Variants in ERBIN observed in about 807,000 individuals in gnomAD.
ERBIN encodes the protein densin-180-like protein.
In ERBIN, 60 loss-of-function variants were observed where a neutral mutation model predicts 158.4. That is an observed-to-expected ratio of 0.38 (90% CI 0.31 to 0.47). The LOEUF (loss-of-function observed/expected upper bound fraction) is 0.47. ERBIN is among the 20% of genes least tolerant of loss of function. The pLI is 0.99. For missense variants in ERBIN, 1,610 were observed against 1,648.0 expected (o/e 0.98, Z 0.40); for synonymous variants, 594 against 557.2 (o/e 1.07, Z -0.93).
At chr5:66,011,682 CT>C (rs1341241436) in intron 4 of ERBIN, among the ~76,000 whole-genome samples, 1 of 152,038 alleles carries the variant, frequency 6.6e-6, no homozygotes, top group African/African-American at 2.4e-5. Context: ...TCAAGACTCC[CT>C]CTTAAAAACA....
At chr5:66,049,023 T>C (rs7736648) in intron 19 of ERBIN, among the ~76,000 whole-genome samples, 8,783 of 152,080 alleles carry the variant, frequency 0.058, 884 homozygotes, top group African/African-American at 0.2. Context: ...ACAGATAAAC[T>C]TGGATTGTTC....
intron 1 of ERBIN, among the ~76,000 whole-genome samples, chr5:65,975,628 G>GT (rs1221346592): frequency 6.6e-6 from 1 of 152,176 alleles, no homozygotes; most frequent in Non-Finnish European, 1.5e-5. Context: ...GAATTTAGAT[G>GT]TTTTAAGAAC....
At position 66,026,295 on chromosome 5, in the gene ERBIN, C is replaced by T; in HGVS notation, c.1021-7C>T. ...TTTTTGATACTCAGTTTATATTTCT[C>T]TTTCAGATTGGAAGCTGGAAAAATA... On this transcript the variant is annotated splice_polypyrimidine_tract_variant and splice_region_variant and intron_variant, in intron 12 of 25. Transcript: ENST00000284037. 6.4e-7 allele frequency: 1 copy of T among 1,561,938 alleles called. No homozygotes were observed. Among genetic ancestry groups the T allele is most frequent in the East Asian group, 2.4e-5 (1 of 42,370 alleles).
intron 1 of ERBIN, among the ~76,000 whole-genome samples, chr5:65,974,924 TGAA>T (rs1177729879): frequency 6.6e-6 from 1 of 152,176 alleles, no homozygotes; most frequent in Non-Finnish European, 1.5e-5. Context: ...GGAAGCTAAA[TGAA>T]GAAATCTCGT....
chr5:66,006,275 A>G (rs915695870), intron 4 of ERBIN, among the ~76,000 whole-genome samples: 7 of 152,248 alleles, frequency 4.6e-5, no homozygotes, highest in African/African-American at 1.7e-4. Flanking sequence ...CAAACCTGAC[A>G]AAAACAAGCA....
chr5:66,041,864 T>A (rs1168725417), intron 15 of ERBIN, among the ~76,000 whole-genome samples: 2 of 152,002 alleles, frequency 1.3e-5, no homozygotes, highest in Non-Finnish European at 2.9e-5. Context: ...CACATTTGTT[T>A]TGAACAAAAA....
intron 1 of ERBIN, among the ~76,000 whole-genome samples, chr5:65,955,131 T>TA (rs982751100): frequency 1.2e-4 from 18 of 152,050 alleles, no homozygotes; most frequent in South Asian, 2.1e-4. Flanking sequence ...ACTTTTATGT[T>TA]AAAAAAAGTC....
intron 21 of ERBIN, among the ~76,000 whole-genome samples, chr5:66,063,653 G>A (rs150626860): frequency 6.6e-6 from 1 of 152,134 alleles, no homozygotes; most frequent in Admixed American, 6.5e-5. Context: ...CTGTAGACTG[G>A]ACCTGTTCCT....
chr5:65,950,946 T>C (rs1042033666), intron 1 of ERBIN, among the ~76,000 whole-genome samples: 1 of 152,228 alleles, frequency 6.6e-6, no homozygotes, highest in Non-Finnish European at 1.5e-5. Context: ...ACAGTCACTT[T>C]ACACTTTTGA....
chr5:65,955,395 C>T (rs539944536), intron 1 of ERBIN, among the ~76,000 whole-genome samples: 17 of 152,056 alleles, frequency 1.1e-4, no homozygotes, highest in African/African-American at 3.6e-4. Context: ...TTTGGGAGGC[C>T]GAGGTGTGCG....
At chr5:66,072,046 A>T in intron 21 of ERBIN, 123 bp from the exon 22 acceptor site, 1 of 908,822 alleles carries the variant, frequency 1.1e-6, no homozygotes, top group Non-Finnish European at 1.6e-6. Flanking sequence ...GCAGTGTTTG[A>T]TTTGGGTCTT....
intron 4 of ERBIN, among the ~76,000 whole-genome samples, chr5:66,002,369 C>G (rs999863923): frequency 6.6e-6 from 1 of 152,212 alleles, no homozygotes; most frequent in African/African-American, 2.4e-5. Flanking sequence ...GAGAAATGAT[C>G]TGCTGTTGCA....
chr5:65,972,420 A>C (rs1177747234), intron 1 of ERBIN, among the ~76,000 whole-genome samples: 3 of 151,254 alleles, frequency 2.0e-5, no homozygotes, highest in East Asian at 3.9e-4. Context: ...CTTTGATTAT[A>C]TTTCAACATG....
chr5:65,979,358 T>A (rs923967279), intron 1 of ERBIN, among the ~76,000 whole-genome samples: 1 of 152,064 alleles, frequency 6.6e-6, no homozygotes, highest in Non-Finnish European at 1.5e-5. Context: ...ACCTGGGAGG[T>A]TGAGGCTGCA....
intron 1 of ERBIN, among the ~76,000 whole-genome samples, chr5:65,982,864 A>G (rs764139877): frequency 6.6e-6 from 1 of 152,210 alleles, no homozygotes; most frequent in Non-Finnish European, 1.5e-5. Context: ...TAACGCTTGT[A>G]CACAAATGTA....
chr5:66,035,389 T>C (rs1293704778), intron 14 of ERBIN, among the ~76,000 whole-genome samples: 1 of 152,192 alleles, frequency 6.6e-6, no homozygotes, highest in African/African-American at 2.4e-5. Flanking sequence ...TAAATAATAC[T>C]TGATGGAGGC....
In ERBIN at chr5:66,081,669, A is replaced by C. The variant is rs1762391265; in HGVS notation, c.*3139A>C. On this transcript the variant is annotated 3_prime_UTR_variant, in exon 26 of 26. Coordinates refer to ENST00000284037, the MANE Select transcript of ERBIN (RefSeq NM_001253697.2). ...GTGTGGAAGAAGTGTAGTTTATCTC[A>C]AATTATTATTATTTACTTCTAAAGG... The C allele has an allele frequency of 6.6e-6, 1 of 152,046 alleles. No homozygotes were observed. The highest frequency in any genetic ancestry group is 2.1e-4 in the South Asian group (1 of 4,832). 9.4% of individuals were successfully genotyped at this position (152,046 alleles called of 1,614,324 possible).
At chr5:66,044,840 G>A (rs1561417823) in intron 17 of ERBIN, among the ~76,000 whole-genome samples, 2 of 152,002 alleles carry the variant, frequency 1.3e-5, no homozygotes, top group African/African-American at 2.4e-5. Context: ...ACTTTGGGAG[G>A]CCGAGGTGGG....
chr5:66,076,495 G>C, intron 24 of ERBIN, 87 bp downstream of exon 24: 1 of 1,041,994 alleles, frequency 9.6e-7, no homozygotes, highest in Non-Finnish European at 1.5e-6. Flanking sequence ...TCTAATAGAT[G>C]TTTATGTAAA....
Sources: gnomAD v4.1 joint callset for allele counts (sites outside exome capture counted in the v4.1 genomes callset) on GRCh38, gnomAD v4.1.1 for gene constraint, MANE v1.5 for transcripts, NCBI Gene and HGNC (gene_info 2026-07-23, HGNC 2026-07-21) for gene names.